The following CACNA1C variants were observed in gnomAD, a reference collection of about 807,000 sequenced individuals.
The protein encoded by CACNA1C is voltage-dependent L-type calcium channel subunit alpha-1C.
A neutral mutation model predicts 229.0 loss-of-function variants in CACNA1C; 30 were observed. That is an observed-to-expected ratio of 0.13 (90% CI 0.10 to 0.18). CACNA1C has a LOEUF of 0.18. Among genes scored for constraint, CACNA1C ranks in the 10% least tolerant of loss-of-function variants. The pLI, the probability that CACNA1C is intolerant of heterozygous loss-of-function variation, is 1.00. For missense variants in CACNA1C, 1,658 were observed against 2,845.0 expected, an observed-to-expected ratio of 0.58 and a Z score of 9.49; for synonymous variants, 1,114 against 1,132.5, an observed-to-expected ratio of 0.98 and a Z score of 0.33.
At chr12:2,362,475 C>T (rs1434347580) in intron 3 of CACNA1C, among the ~76,000 whole-genome samples, 1 of 152,172 alleles carries the variant, frequency 6.6e-6, no homozygotes, top group African/African-American at 2.4e-5. Flanking sequence ...CCCATAGACC[C>T]ACCCAACCTA....
At chr12:2,478,508 A>AC (rs1214494476) in intron 5 of CACNA1C, among the ~76,000 whole-genome samples, 2 of 152,174 alleles carry the variant, frequency 1.3e-5, no homozygotes, top group Admixed American at 6.5e-5. Flanking sequence ...GTGCTCATTT[A>AC]CCCTAAAGGG....
At chr12:2,520,032 C>G (rs1351555590) in intron 9 of CACNA1C, among the ~76,000 whole-genome samples, 1 of 152,272 alleles carries the variant, frequency 6.6e-6, no homozygotes, top group East Asian at 1.9e-4. Context: ...CAAAGCAAAA[C>G]CACCAGCTCT....
intron 1 of CACNA1C, among the ~76,000 whole-genome samples, chr12:2,001,022 A>G (rs1168741529): frequency 6.9e-6 from 1 of 145,516 alleles, no homozygotes; most frequent in Non-Finnish European, 1.5e-5. Context: ...GGGGAACAAG[A>G]GCGAGACTTC....
chr12:2,517,576 G>A (rs1465114198), intron 9 of CACNA1C, among the ~76,000 whole-genome samples: 1 of 152,222 alleles, frequency 6.6e-6, no homozygotes, highest in East Asian at 1.9e-4. Flanking sequence ...AAGTGGGGCA[G>A]CCAAGAGCCA....
intron 9 of CACNA1C, among the ~76,000 whole-genome samples, chr12:2,535,261 C>T (rs889093985): frequency 1.3e-5 from 2 of 152,126 alleles, no homozygotes; most frequent in Admixed American, 6.5e-5. Flanking sequence ...TGGTGCTGGG[C>T]GCCTATAGTC....
At chr12:2,596,079 A>G (rs989801329) in intron 20 of CACNA1C, 76 bp downstream of exon 20, 2 of 1,427,888 alleles carry the variant, frequency 1.4e-6, no homozygotes, top group East Asian at 2.4e-5. Context: ...TGCTGACATC[A>G]TTGTTCAATC....
chr12:2,517,077 G>T lies in CACNA1C; in HGVS notation c.1390+4093G>T, dbSNP rs181540725. ...CAAAGGAAGGGGTGTGAGCGTTGCT[G>T]CTGTGACTGGAAACTGACCATTGGG... On this transcript the variant is annotated intron_variant, in intron 9 of 46. Coordinates refer to ENST00000399655, the MANE Select transcript of CACNA1C (RefSeq NM_000719.7). Among the ~76,000 whole-genome samples, 3 of 152,354 alleles carry T rather than the reference G, an allele frequency of 2.0e-5. No homozygotes were observed. The East Asian group carries it at 5.8e-4, about 29-fold the overall frequency.
In CACNA1C at chr12:2,457,672, G is replaced by A; in HGVS notation, c.723G>A (p.Val241=). ...FDVKALRAFR[V]LRPLRLVSGV... Reference sequence around the variant, plus strand: ...TGAAGGCGCTGAGGGCCTTCCGCGTGCTGCGCCCCCTGCGGCTGGTGTCCG... The same window carrying A: ...TGAAGGCGCTGAGGGCCTTCCGCGTACTGCGCCCCCTGCGGCTGGTGTCCG... Residue 241 remains valine (V), a synonymous_variant, in exon 5 of 47, where the codon GTG becomes GTA. Coordinates refer to ENST00000399655, the MANE Select transcript of CACNA1C (RefSeq NM_000719.7). The A allele has an allele frequency of 6.2e-7, 1 of 1,605,580 alleles. No individual in the cohort carries two copies. The highest frequency in any genetic ancestry group is 1.3e-5 in the African/African-American group (1 of 74,394).
chr12:1,998,077 G>T, intron 1 of CACNA1C: 1 of 970,658 alleles, frequency 1.0e-6, no homozygotes, highest in Non-Finnish European at 1.5e-6. Flanking sequence ...TAACTTCAAT[G>T]GGCCAAATAT....
intron 1 of CACNA1C, among the ~76,000 whole-genome samples, chr12:2,068,137 A>G (rs907794286): frequency 2.0e-5 from 3 of 152,210 alleles, no homozygotes; most frequent in African/African-American, 7.2e-5. Context: ...CAAGAAAAAT[A>G]TGATATCCTG....
At chr12:2,311,381 G>A (rs2095429590) in intron 3 of CACNA1C, among the ~76,000 whole-genome samples, 1 of 152,162 alleles carries the variant, frequency 6.6e-6, no homozygotes. Context: ...TCTAAGGCCT[G>A]CAAGCCTGCA....
At chr12:2,169,703 C>T (rs548802268) in intron 3 of CACNA1C, among the ~76,000 whole-genome samples, 208 of 152,214 alleles carry the variant, frequency 1.4e-3, no homozygotes, top group Non-Finnish European at 2.1e-3. Context: ...CTGGTGGAAT[C>T]AGGCCTATGT....
At chr12:2,549,255 C>CA (rs1183678223) in intron 9 of CACNA1C, among the ~76,000 whole-genome samples, 10 of 152,186 alleles carry the variant, frequency 6.6e-5, no homozygotes, top group African/African-American at 2.4e-4. Context: ...CGTATCCCTA[C>CA]AGGCTGTCTT....
rs548606719 is a variant in CACNA1C, at chr12:2,021,679, TA to T, written c.139+50489del. Among the ~76,000 whole-genome samples the T allele has an allele frequency of 1.9e-3, 276 of 144,710 alleles. 1 individual carries two copies. Among genetic ancestry groups the T allele is most frequent in the African/African-American group, 4.1e-3 (162 of 39,740 alleles). The allele number at this position is 144,710 out of a possible 152,430, so 94.9% of individuals were successfully genotyped here. On this transcript the variant is annotated intron_variant, in intron 1 of 46. Transcript: ENST00000682462. ...TGGGCAACAAGAGAGAAACTCCATCTAAAAAAAAAAAGACATCTTTTCTCTC... is the reference window on the plus strand; with the variant it reads ...TGGGCAACAAGAGAGAAACTCCATCTAAAAAAAAAAGACATCTTTTCTCTC...
At chr12:1,989,103 G>A (rs1039877779) in intron 1 of CACNA1C, among the ~76,000 whole-genome samples, 8 of 152,210 alleles carry the variant, frequency 5.3e-5, no homozygotes, top group African/African-American at 1.9e-4. Flanking sequence ...ATCCCTGTCA[G>A]CTGGGCATGG....
intron 1 of CACNA1C, chr12:1,991,549 C>A: frequency 4.1e-6 from 1 of 246,814 alleles, no homozygotes; most frequent in Non-Finnish European, 8.0e-6. Flanking sequence ...GAGGTTTTTT[C>A]CTTTTTTTTT....
At chr12:2,352,358 T>G (rs891890134) in intron 3 of CACNA1C, among the ~76,000 whole-genome samples, 1 of 152,238 alleles carries the variant, frequency 6.6e-6, no homozygotes, top group African/African-American at 2.4e-5. Context: ...AATTAAATTC[T>G]TATGCTAAAA....
At chr12:2,623,181 T>A (rs1178640135) in intron 29 of CACNA1C, among the ~76,000 whole-genome samples, 1 of 152,156 alleles carries the variant, frequency 6.6e-6, no homozygotes, top group East Asian at 1.9e-4. Flanking sequence ...GTTTAGGATT[T>A]GGGATGAAAG....
At chr12:2,523,963 T>C (rs1598858065) in intron 9 of CACNA1C, among the ~76,000 whole-genome samples, 1 of 152,338 alleles carries the variant, frequency 6.6e-6, no homozygotes, top group Admixed American at 6.5e-5. Context: ...ATATCTTAAC[T>C]GTCAGAGGCT....
Sources: allele counts gnomAD v4.1 joint callset (sites outside exome capture counted in the v4.1 genomes callset), GRCh38; gene constraint gnomAD v4.1.1; transcripts MANE v1.5; gene names NCBI Gene and HGNC (gene_info 2026-07-23, HGNC 2026-07-21).